Variants in HOMER1 observed in about 807,000 individuals in gnomAD.
HOMER1 encodes homer protein homolog 1.
In HOMER1, 3 loss-of-function variants were observed where a neutral mutation model predicts 48.9. That is an observed-to-expected ratio of 0.06 (90% CI 0.03 to 0.16). The LOEUF (loss-of-function observed/expected upper bound fraction) is 0.16, where lower values mean the gene tolerates loss of function less well. Among genes scored for constraint, HOMER1 ranks in the 10% least tolerant of loss-of-function variants. HOMER1 has a pLI of 1.00. For missense variants in HOMER1, 247 were observed against 411.4 expected, an observed-to-expected ratio of 0.60 and a Z score of 3.46; for synonymous variants, 134 against 146.4, an observed-to-expected ratio of 0.92 and a Z score of 0.61.
At chr5:79,400,547 G>A (rs1412364211) in intron 6 of HOMER1, among the ~76,000 whole-genome samples, 1 of 150,778 alleles carries the variant, frequency 6.6e-6, no homozygotes, top group Non-Finnish European at 1.5e-5. Flanking sequence ...AGTGGAGATG[G>A]GGTTTCACCA....
rs377156943 is a variant in HOMER1, at chr5:79,402,073, G to C, written c.528-18C>G. On this transcript the variant is annotated intron_variant, in intron 5 of 8. Coordinates refer to ENST00000334082, the MANE Select transcript of HOMER1 (RefSeq NM_004272.5). ...TTGCTGAACTAAAATAAAACAAAAA[G>C]AAAATTCTATCCATTACACCAACTA... The C allele has an allele frequency of 8.7e-6, 14 of 1,604,812 alleles. No individual in the cohort carries two copies. In the African/African-American group the frequency reaches 1.7e-4, roughly 20 times the overall value.
At position 79,439,114 on chromosome 5, in the gene HOMER1, T is replaced by C. The variant is rs562049370; in HGVS notation, c.423A>G (p.Thr141=). ...CATCTGTCCCGTTGATACTTTCCGG[T>C]GTTAAAGGAGACTGAAGATCCCCGC... The part of the protein sequence containing the change: ...SAGGDLQSPL[T]PESINGTDDE... The change falls in exon 5 of 9, where the codon ACA becomes ACG. Residue 141 remains threonine, a synonymous_variant. Transcript: ENST00000334082. 21 of 1,613,958 alleles carry C rather than the reference T, an allele frequency of 1.3e-5. No individual in the cohort carries two copies. The East Asian group carries it at 4.0e-4, about 31-fold the overall frequency.
At chr5:79,492,704 A>T (rs976108074) in intron 1 of HOMER1, among the ~76,000 whole-genome samples, 3 of 152,104 alleles carry the variant, frequency 2.0e-5, no homozygotes, top group African/African-American at 7.2e-5. Flanking sequence ...TCAAATGTTT[A>T]AAAAATTGGT....
intron 4 of HOMER1, among the ~76,000 whole-genome samples, chr5:79,443,589 A>AT (rs1210989250): frequency 6.6e-6 from 1 of 152,210 alleles, no homozygotes; most frequent in African/African-American, 2.4e-5. Flanking sequence ...GCCTTACATC[A>AT]TCATCCTCCC....
intron 5 of HOMER1, among the ~76,000 whole-genome samples, chr5:79,423,561 T>A (rs983129734): frequency 6.6e-6 from 1 of 152,154 alleles, no homozygotes; most frequent in African/African-American, 2.4e-5. Flanking sequence ...AATGTTCTAT[T>A]TAAAGACAGA....
At chr5:79,420,510 C>T (rs1182232613) in intron 5 of HOMER1, among the ~76,000 whole-genome samples, 2 of 152,200 alleles carry the variant, frequency 1.3e-5, no homozygotes, top group Non-Finnish European at 2.9e-5. Context: ...TCACTTTGAT[C>T]TCTTCTTTTG....
intron 1 of HOMER1, among the ~76,000 whole-genome samples, chr5:79,478,105 TAA>T (rs1269377325): frequency 6.6e-6 from 1 of 152,190 alleles, no homozygotes; most frequent in Non-Finnish European, 1.5e-5. Flanking sequence ...ACGAGGCATT[TAA>T]AGAGTCAGGA....
intron 1 of HOMER1, among the ~76,000 whole-genome samples, chr5:79,474,205 A>ATTTT (rs1751694856): frequency 2.2e-5 from 3 of 134,628 alleles, no homozygotes; most frequent in East Asian, 2.7e-4. Flanking sequence ...GCCCAACCAA[A>ATTTT]ATTTTTTTTT....
intron 1 of HOMER1, among the ~76,000 whole-genome samples, chr5:79,485,886 T>C (rs887851694): frequency 3.3e-5 from 5 of 152,284 alleles, no homozygotes; most frequent in South Asian, 2.1e-4. Context: ...TATCAAGAGG[T>C]AGAGTCCATG....
At chr5:79,418,893 C>G (rs749636235) in intron 5 of HOMER1, among the ~76,000 whole-genome samples, 62 of 152,058 alleles carry the variant, frequency 4.1e-4, no homozygotes, top group Non-Finnish European at 7.2e-4. Flanking sequence ...ACACAGAGAT[C>G]ACTGAAAAAT....
intron 5 of HOMER1, among the ~76,000 whole-genome samples, chr5:79,426,318 C>G (rs1416817984): frequency 6.6e-6 from 1 of 152,010 alleles, no homozygotes; most frequent in Admixed American, 6.6e-5. Context: ...ATCCGCAATC[C>G]CATGTTTACT....
At chr5:79,391,679 G>A (rs1749256977) in intron 8 of HOMER1, among the ~76,000 whole-genome samples, 1 of 151,456 alleles carries the variant, frequency 6.6e-6, no homozygotes, top group South Asian at 2.1e-4. Flanking sequence ...GGAGGCGGAG[G>A]TTACAGTGAG....
intron 8 of HOMER1, among the ~76,000 whole-genome samples, chr5:79,376,450 C>A (rs980323003): frequency 6.6e-6 from 1 of 152,084 alleles, no homozygotes; most frequent in African/African-American, 2.4e-5. Context: ...TTACTTTGTG[C>A]CAGGCAACAC....
chr5:79,512,661 T>C lies in HOMER1; in HGVS notation c.5+109A>G. On this transcript the variant is annotated intron_variant, in intron 1 of 8. Transcript: ENST00000334082. ...CTATTTCTTTAAAGTATGACCAGCT[T>C]AGCAAGGTGGCAAGTTTGTTTGAAA... The C allele has an allele frequency of 3.8e-6, 4 of 1,059,494 alleles. No individual in the cohort carries two copies. The Admixed American group carries it at 5.8e-5, about 15-fold the overall frequency. 65.6% of individuals were successfully genotyped at this position (1,059,494 alleles called of 1,614,324 possible).
At chr5:79,500,677 A>G (rs973394224) in intron 1 of HOMER1, among the ~76,000 whole-genome samples, 9 of 150,702 alleles carry the variant, frequency 6.0e-5, no homozygotes, top group African/African-American at 1.7e-4. Flanking sequence ...CCCAGGCTGG[A>G]GTGTAATGGT....
At position 79,412,798 on chromosome 5, in the gene HOMER1, A is replaced by C. The variant is rs1334503950; in HGVS notation, c.528-10743T>G. Among the ~76,000 whole-genome samples the C allele has an allele frequency of 2.6e-5, 4 of 152,378 alleles. No individual in the cohort carries two copies. In the East Asian group the frequency reaches 7.7e-4, roughly 29 times the overall value. On this transcript the variant is annotated intron_variant, in intron 5 of 8. Coordinates refer to ENST00000334082, the MANE Select transcript of HOMER1 (RefSeq NM_004272.5). ...AATCTGAAGTTGTATAGACAATGAT[A>C]GTTCAATAAACGTCAGTGACGAGAT...
intron 1 of HOMER1, chr5:79,510,333 G>C (rs1202612989): frequency 2.1e-6 from 1 of 466,670 alleles, no homozygotes; most frequent in South Asian, 1.8e-5. Flanking sequence ...GTTATGTGTG[G>C]TGCTAACTTT....
At chr5:79,491,438 C>CA (rs56778843) in intron 1 of HOMER1, among the ~76,000 whole-genome samples, 15,927 of 56,424 alleles carry the variant, frequency 0.28, 2,618 homozygotes, top group African/African-American at 0.46. Context: ...GACCTTGTCT[C>CA]AAAAAAAAAA....
At chr5:79,469,306 G>A (rs1010580436) in intron 1 of HOMER1, among the ~76,000 whole-genome samples, 4 of 152,114 alleles carry the variant, frequency 2.6e-5, no homozygotes, top group Non-Finnish European at 5.9e-5. Flanking sequence ...TAAACTAGAC[G>A]TCAAAAATAA....
Sources: gnomAD v4.1 joint callset for allele counts (sites outside exome capture counted in the v4.1 genomes callset) on GRCh38, gnomAD v4.1.1 for gene constraint, MANE v1.5 for transcripts, NCBI Gene and HGNC (gene_info 2026-07-23, HGNC 2026-07-21) for gene names.